SMAD4: variants seen among roughly 807,000 people sequenced by gnomAD.
SMAD4 encodes the protein SMAD family member 4.
A neutral mutation model predicts 63.2 loss-of-function variants in SMAD4; 7 were observed. The ratio of observed to expected loss-of-function variants is 0.11; its 90% CI spans 0.06 to 0.21. The LOEUF (loss-of-function observed/expected upper bound fraction) is 0.21. Ranked by LOEUF, SMAD4 falls within the 10% of genes least tolerant of loss-of-function variation. The pLI is 1.00. For missense variants in SMAD4, 312 were observed against 693.8 expected, an observed-to-expected ratio of 0.45 and a Z score of 6.18; for synonymous variants, 215 against 235.4, an observed-to-expected ratio of 0.91 and a Z score of 0.79.
rs1334332705 is a variant in SMAD4, at chr18:51,084,039, CACACAG to C, written c.*5573_*5578del. 1.8e-5 allele frequency: 4 copies of C among 220,378 alleles called. No homozygotes were observed. The highest frequency in any genetic ancestry group is 7.0e-5 in the African/African-American group (3 of 42,714). 13.7% of individuals were successfully genotyped at this position (220,378 alleles called of 1,614,324 possible). A position where few individuals can be genotyped will look rare whatever the true frequency, so the allele number is the denominator to read the frequency against. On this transcript the variant is annotated 3_prime_UTR_variant, in exon 12 of 12. Coordinates refer to ENST00000342988, the MANE Select transcript of SMAD4 (RefSeq NM_005359.6). ...ACACACACACACACACACACACACA[CACACAG>C]GTCAGAGTTTAAGGCTTTCGAGTCA...
chr18:51,056,620 C>CA (rs74178610), intron 5 of SMAD4, among the ~76,000 whole-genome samples: 4,832 of 57,250 alleles, frequency 0.084, 60 homozygotes, highest in East Asian at 0.15. Context: ...ACTCCATCTC[C>CA]AAAAAAAAAA....
In SMAD4 at chr18:51,083,316, A is replaced by T. The variant is rs1339773261; in HGVS notation, c.*4849A>T. 1 of 227,966 alleles carries T rather than the reference A, an allele frequency of 4.4e-6. No homozygotes were observed. Among genetic ancestry groups the T allele is most frequent in the African/African-American group, 2.2e-5 (1 of 45,014 alleles). The allele number at this position is 227,966 out of a possible 1,614,324, so 14.1% of individuals were successfully genotyped here. ...GCCTTCTGGCCTTACTCCTGTACAGATATTTTTGACCTATAGGTGCCTTTA... is the reference window on the plus strand; with the variant it reads ...GCCTTCTGGCCTTACTCCTGTACAGTTATTTTTGACCTATAGGTGCCTTTA... On this transcript the variant is annotated 3_prime_UTR_variant, in exon 12 of 12. Coordinates refer to ENST00000342988, the MANE Select transcript of SMAD4 (RefSeq NM_005359.6).
chr18:51,055,983 A>G (rs912393098), intron 5 of SMAD4, among the ~76,000 whole-genome samples: 9 of 152,210 alleles, frequency 5.9e-5, no homozygotes, highest in African/African-American at 2.2e-4. Flanking sequence ...TTTCCCCTTT[A>G]ATTCATTACA....
chr18:51,074,162 G>A lies in SMAD4; in HGVS notation c.1309-2476G>A, dbSNP rs148949886. Among the ~76,000 whole-genome samples the A allele has an allele frequency of 1.7e-3, 261 of 150,700 alleles. 1 individual carries two copies. Among genetic ancestry groups the A allele is most frequent in the African/African-American group, 6.2e-3 (254 of 40,952 alleles). ...GTCAAGGTAGGAGGATTGCTTGAGC[G>A]CAGGAGTAGTTCAAGATCAGCCTGG... is the stretch of plus-strand genomic sequence containing the variant. On this transcript the variant is annotated intron_variant, in intron 10 of 11. Transcript: ENST00000342988.
Position 51,078,840 on chromosome 18 carries a change from G to T in SMAD4, c.*373G>T, listed in dbSNP as rs751626446. On this transcript the variant is annotated 3_prime_UTR_variant, in exon 12 of 12. Transcript: ENST00000342988. ...TTCTACAGAATAATCCAGTATTGCT[G>T]ATTTTAAAGGCAGAGAAGTTCTCAA... The T allele has an allele frequency of 7.9e-6, 2 of 252,760 alleles. No individual in the cohort carries two copies. Among genetic ancestry groups the T allele is most frequent in the East Asian group, 5.7e-5 (1 of 17,600 alleles). 15.7% of individuals were successfully genotyped at this position (252,760 alleles called of 1,614,324 possible).
intron 4 of SMAD4, chr18:51,052,268 G>C (rs929326866): frequency 6.6e-6 from 1 of 152,586 alleles, no homozygotes; most frequent in Non-Finnish European, 1.5e-5. Context: ...TTCTACATGG[G>C]AGGTGGGATT....
At position 51,083,931 on chromosome 18, in the gene SMAD4, T is replaced by C; in HGVS notation, c.*5464T>C. Reference sequence around the variant, plus strand: ...GGACAAAAGGTTACATAGTATGCCCTTAAGACTTAATTTTAACCAAAGGCC... The same window carrying C: ...GGACAAAAGGTTACATAGTATGCCCCTAAGACTTAATTTTAACCAAAGGCC... On this transcript the variant is annotated 3_prime_UTR_variant, in exon 12 of 12. Coordinates refer to ENST00000342988, the MANE Select transcript of SMAD4 (RefSeq NM_005359.6). The C allele has an allele frequency of 4.3e-6, 1 of 231,116 alleles. No individual in the cohort carries two copies. The highest frequency in any genetic ancestry group is 8.6e-6 in the Non-Finnish European group (1 of 116,724). 14.3% of individuals were successfully genotyped at this position (231,116 alleles called of 1,614,324 possible).
rs1165935469 is a variant in SMAD4, at chr18:51,078,487, C to G, written c.*20C>G. The G allele has an allele frequency of 1.3e-6, 2 of 1,538,758 alleles. No homozygotes were observed. Among genetic ancestry groups the G allele is most frequent in the South Asian group, 2.2e-5 (2 of 89,532 alleles). Reference sequence around the variant, plus strand: ...GACTGAGGTCTTTTACCGTTGGGGCCCTTAACCTTATCAGGATGGTGGACT... The same window carrying G: ...GACTGAGGTCTTTTACCGTTGGGGCGCTTAACCTTATCAGGATGGTGGACT... On this transcript the variant is annotated 3_prime_UTR_variant, in exon 12 of 12. Coordinates refer to ENST00000342988, the MANE Select transcript of SMAD4 (RefSeq NM_005359.6).
At chr18:51,030,825 G>T (rs935041447) in intron 1 of SMAD4, among the ~76,000 whole-genome samples, 5 of 151,574 alleles carry the variant, frequency 3.3e-5, no homozygotes, top group Non-Finnish European at 7.4e-5. Flanking sequence ...GCGGTGCCTC[G>T]CGTCCCTCGG....
In SMAD4 at chr18:51,082,115, G is replaced by T; in HGVS notation, c.*3648G>T. The T allele has an allele frequency of 4.4e-6, 1 of 229,636 alleles. No homozygotes were observed. Among genetic ancestry groups the T allele is most frequent in the Non-Finnish European group, 8.6e-6 (1 of 115,906 alleles). 14.2% of individuals were successfully genotyped at this position (229,636 alleles called of 1,614,324 possible). On this transcript the variant is annotated 3_prime_UTR_variant, in exon 12 of 12. Coordinates refer to ENST00000342988, the MANE Select transcript of SMAD4 (RefSeq NM_005359.6). ...TTAATGATAGCAGATTGGGAAAATGGCAAATTTAGGTTACGGAGGTAAATG... is the reference window on the plus strand; with the variant it reads ...TTAATGATAGCAGATTGGGAAAATGTCAAATTTAGGTTACGGAGGTAAATG...
intron 4 of SMAD4, chr18:51,052,621 AT>A: frequency 2.2e-5 from 6 of 276,496 alleles, no homozygotes; most frequent in South Asian, 6.7e-5. Flanking sequence ...TTTTAATTTT[AT>A]TTTTTTGAAT....
At chr18:51,063,847 T>G (rs1910081616) in intron 8 of SMAD4, among the ~76,000 whole-genome samples, 1 of 152,262 alleles carries the variant, frequency 6.6e-6, no homozygotes, top group Non-Finnish European at 1.5e-5. Context: ...TGTGACAAGT[T>G]CATTAGAGTG....
At chr18:51,056,603 C>T (rs1040714053) in intron 5 of SMAD4, among the ~76,000 whole-genome samples, 4 of 113,240 alleles carry the variant, frequency 3.5e-5, no homozygotes, top group Non-Finnish European at 5.0e-5. Flanking sequence ...CTGGGCGACA[C>T]AGCGAGACTC....
At chr18:51,045,716 A>G (rs1379912478) in intron 1 of SMAD4, among the ~76,000 whole-genome samples, 1 of 152,154 alleles carries the variant, frequency 6.6e-6, no homozygotes, top group Non-Finnish European at 1.5e-5. Context: ...GAGTTGTGCA[A>G]CCATCACCAT....
At chr18:51,076,185 T>C (rs995494343) in intron 10 of SMAD4, among the ~76,000 whole-genome samples, 3 of 152,192 alleles carry the variant, frequency 2.0e-5, no homozygotes, top group Admixed American at 1.3e-4. Context: ...ATCTCTCTTA[T>C]ATAGCGACAG....
At chr18:51,066,926 ATT>A (rs1910174484) in intron 9 of SMAD4, 91 bp from the exon 10 acceptor site, 1 of 972,900 alleles carries the variant, frequency 1.0e-6, no homozygotes, top group African/African-American at 1.6e-5. Flanking sequence ...TTTATTTTTA[ATT>A]TTTCAATATT....
intron 4 of SMAD4, among the ~76,000 whole-genome samples, chr18:51,052,058 C>G (rs778798661): frequency 2.6e-5 from 4 of 152,090 alleles, no homozygotes; most frequent in Admixed American, 6.5e-5. Context: ...GCGATCCACC[C>G]GTCTCAGCCT....
chr18:51,066,874 T>C lies in SMAD4; in HGVS notation c.1140-145T>C, dbSNP rs1441500027. On this transcript the variant is annotated intron_variant, in intron 9 of 11. Coordinates refer to ENST00000342988, the MANE Select transcript of SMAD4 (RefSeq NM_005359.6). ...ATGAACAGGAAAAGAAAAAAGGAAA[T>C]ATACAAAAATGTTAATAGCTATCTT... is the stretch of plus-strand genomic sequence containing the variant. 4.6e-6 allele frequency: 3 copies of C among 655,966 alleles called. No homozygotes were observed. The Admixed American group carries it at 7.6e-5, about 17-fold the overall frequency. The allele number at this position is 655,966 out of a possible 1,614,324, so 40.6% of individuals were successfully genotyped here.
intron 4 of SMAD4, 158 bp downstream of exon 4, chr18:51,049,482 A>C (rs1909643194): frequency 3.1e-6 from 2 of 639,206 alleles, no homozygotes; most frequent in Non-Finnish European, 5.6e-6. Flanking sequence ...AGGGGCATTT[A>C]AAACTGGATT....
Sources: allele counts gnomAD v4.1 joint callset (sites outside exome capture counted in the v4.1 genomes callset), GRCh38; gene constraint gnomAD v4.1.1; transcripts MANE v1.5; gene names NCBI Gene and HGNC (gene_info 2026-07-23, HGNC 2026-07-21).